The following RGS3 variants were observed in gnomAD, a reference collection of about 807,000 sequenced individuals.
RGS3 encodes regulator of G-protein signalling 3.
Under a neutral mutation model 132.6 loss-of-function variants are expected in RGS3, and 80 were observed. That is an observed-to-expected ratio of 0.60 (90% CI 0.50 to 0.73). The LOEUF (loss-of-function observed/expected upper bound fraction) is 0.73. Among genes scored for constraint, RGS3 ranks in the 30% least tolerant of loss-of-function variants. The pLI is 0.00. For missense variants in RGS3, 1,382 were observed against 1,530.8 expected, an observed-to-expected ratio of 0.90 and a Z score of 1.62; for synonymous variants, 598 against 620.6, an observed-to-expected ratio of 0.96 and a Z score of 0.54.
At chr9:113,576,714 T>A (rs897469211) in intron 19 of RGS3, among the ~76,000 whole-genome samples, 31 of 152,160 alleles carry the variant, frequency 2.0e-4, no homozygotes, top group African/African-American at 7.2e-4. Flanking sequence ...GAGCCCAGGG[T>A]CTTCCAGGGC....
intron 1 of RGS3, among the ~76,000 whole-genome samples, chr9:113,452,680 G>C (rs1415629164): frequency 6.6e-6 from 1 of 150,918 alleles, no homozygotes; most frequent in East Asian, 1.9e-4. Flanking sequence ...TGTCTATTAG[G>C]CTGCTTGAAG....
chr9:113,533,125 C>T lies in RGS3; in HGVS notation c.1915-3671C>T, dbSNP rs1588211524. ...AGACTCAGGGAGGTCCTTAGCTGCT[C>T]TGAACCTTGGCCATTCCCTTCCATA... On this transcript the variant is annotated intron_variant, in intron 18 of 24. Coordinates refer to ENST00000350696, the Ensembl canonical transcript of RGS3. Among the ~76,000 whole-genome samples, 4 of 152,308 alleles carry T rather than the reference C, an allele frequency of 2.6e-5. No individual in the cohort carries two copies. The East Asian group carries it at 7.7e-4, about 29-fold the overall frequency.
Position 113,594,627 on chromosome 9 carries a change from G to A in RGS3, c.3182+96G>A, listed in dbSNP as rs1835659738. 7 of 1,042,828 alleles carry A rather than the reference G, an allele frequency of 6.7e-6. No homozygotes were observed. The Admixed American group carries it at 6.8e-5, about 10-fold the overall frequency. 64.6% of individuals were successfully genotyped at this position (1,042,828 alleles called of 1,614,324 possible). A position where few individuals can be genotyped will look rare whatever the true frequency, so the allele number is the denominator to read the frequency against. Reference sequence around the variant, plus strand: ...TAGGGTTGAGGGGAAGGGGCTTGCCGGCTTGATCCAGCTCTGGGGGAGACA... The same window carrying A: ...TAGGGTTGAGGGGAAGGGGCTTGCCAGCTTGATCCAGCTCTGGGGGAGACA... On this transcript the variant is annotated intron_variant, in intron 22 of 24. Transcript: ENST00000350696.
At position 113,507,081 on chromosome 9, in the gene RGS3, C is replaced by T. The variant is rs957082730; in HGVS notation, c.1086-206C>T. On this transcript the variant is annotated intron_variant, in intron 12 of 24. Coordinates refer to ENST00000350696, the Ensembl canonical transcript of RGS3. This position sits in a 1 kb window ranked among gnomAD's most constrained non-coding sequence, Gnocchi z 5.0. The stretch of plus-strand genomic sequence containing the variant: ...CTCAGGGTCCTTCTCAACCACTGCC[C>T]GTCAATAGGAATTGACCTAGGTGAC... Among the ~76,000 whole-genome samples the T allele has an allele frequency of 3.3e-5, 5 of 152,190 alleles. No homozygotes were observed. Among genetic ancestry groups the T allele is most frequent in the East Asian group, 3.9e-4 (2 of 5,190 alleles).
intron 19 of RGS3, among the ~76,000 whole-genome samples, chr9:113,538,916 T>A (rs982382244): frequency 1.3e-5 from 2 of 152,214 alleles, no homozygotes; most frequent in Non-Finnish European, 2.9e-5. Flanking sequence ...GGCCATGATG[T>A]AGCTGTCTTT....
rs73655865 is a variant in RGS3 at position 113,523,286 on chromosome 9, C to T, written c.1870+245C>T. ...AGACTTTCCAGAGAGGCTGTGGAGTCGGGTAGGAAGAGCTTTGGATTCAGA... is the reference window on the plus strand; with the variant it reads ...AGACTTTCCAGAGAGGCTGTGGAGTTGGGTAGGAAGAGCTTTGGATTCAGA... On this transcript the variant is annotated intron_variant, in intron 17 of 24. Coordinates refer to ENST00000350696, the Ensembl canonical transcript of RGS3. 9.5e-3 allele frequency among the ~76,000 whole-genome samples: 1,448 copies of T among 152,242 alleles called. 20 individuals are homozygous for T. The highest frequency in any genetic ancestry group is 0.033 in the African/African-American group (1,359 of 41,528).
At chr9:113,450,292 C>T (rs554341246) in intron 1 of RGS3, among the ~76,000 whole-genome samples, 62 of 150,730 alleles carry the variant, frequency 4.1e-4, no homozygotes, top group African/African-American at 6.6e-4. Context: ...AGAATGGTCT[C>T]GATCTCCTGA....
intron 7 of RGS3, among the ~76,000 whole-genome samples, chr9:113,490,614 ATTATAT>A (rs1276747588): frequency 1.6e-5 from 2 of 121,438 alleles, no homozygotes; most frequent in Non-Finnish European, 3.5e-5. Flanking sequence ...GCATATATGT[ATTATAT>A]TTATACCTCC....
chr9:113,495,738 T>C, intron 7 of RGS3, 48 bp from the exon 6 acceptor site: 3 of 1,536,628 alleles, frequency 2.0e-6, no homozygotes, highest in Non-Finnish European at 2.7e-6. Flanking sequence ...GACCTCCCGA[T>C]AGAGCCCAGA....
intron 19 of RGS3, among the ~76,000 whole-genome samples, chr9:113,549,169 A>G (rs554236032): frequency 2.0e-4 from 30 of 152,320 alleles, no homozygotes; most frequent in South Asian, 6.2e-4. Context: ...AGGTTTAGAG[A>G]CAGACAGGCC....
chr9:113,534,610 AT>A (rs58115176), intron 18 of RGS3, among the ~76,000 whole-genome samples: 67,357 of 128,698 alleles, frequency 0.52, 16,902 homozygotes, highest in East Asian at 0.71. Flanking sequence ...GTACAGATGA[AT>A]TTTTTTTTTT....
chr9:113,456,417 G>A (rs941843564), upstream of RGS3, among the ~76,000 whole-genome samples: 2 of 152,158 alleles, frequency 1.3e-5, no homozygotes. Context: ...TGCCTCTCAT[G>A]TTCTTCATTT....
chr9:113,477,588 G>A (rs963461676), intron 3 of RGS3, among the ~76,000 whole-genome samples: 1 of 152,218 alleles, frequency 6.6e-6, no homozygotes, highest in Non-Finnish European at 1.5e-5. Context: ...CAGATGGGAT[G>A]ATGAGGGGAT....
chr9:113,454,887 G>A (rs796941635), intron 1 of RGS3, among the ~76,000 whole-genome samples: 2 of 152,150 alleles, frequency 1.3e-5, no homozygotes, highest in African/African-American at 4.8e-5. Flanking sequence ...GTAATTCTTT[G>A]GTGGTTCTTT....
Position 113,508,538 on chromosome 9 carries a change from C to A in RGS3, c.1438-3C>A. Reference sequence around the variant, plus strand: ...AGGTGGTTTTCCTGTCTTTCCCTTGCAGCTGCTCCGGCCTGTGTACCAGGA... The same window carrying A: ...AGGTGGTTTTCCTGTCTTTCCCTTGAAGCTGCTCCGGCCTGTGTACCAGGA... On this transcript the variant is annotated splice_polypyrimidine_tract_variant and splice_region_variant and intron_variant, in intron 13 of 24. Coordinates refer to ENST00000350696, the Ensembl canonical transcript of RGS3. 6.2e-7 allele frequency: 1 copy of A among 1,612,778 alleles called. No individual in the cohort carries two copies. Among genetic ancestry groups the A allele is most frequent in the Non-Finnish European group, 8.5e-7 (1 of 1,179,980 alleles).
At chr9:113,498,921 G>GAA (rs755573432) in intron 10 of RGS3, among the ~76,000 whole-genome samples, 19 of 47,334 alleles carry the variant, frequency 4.0e-4, no homozygotes, top group African/African-American at 7.2e-4. Flanking sequence ...TGTCTCAATT[G>GAA]AAAAAAAAAA....
At chr9:113,594,895 T>TC in intron 22 of RGS3, 24 bp from the exon 21 acceptor site, 2 of 1,612,182 alleles carry the variant, frequency 1.2e-6, no homozygotes, top group Non-Finnish European at 1.7e-6. Flanking sequence ...GTGCCCTCAC[T>TC]GTGTTTCCTC....
Position 113,537,239 on chromosome 9 carries a change from G to A in RGS3, c.2037+321G>A, listed in dbSNP as rs1276804483. On this transcript the variant is annotated intron_variant, in intron 19 of 24. Transcript: ENST00000350696. The surrounding 1 kb of genome is among the most constrained non-coding windows in gnomAD (Gnocchi z 4.3). ...GCCTCCCTGATGCTGCCTGGCATGC[G>A]TTCACCTCTGCCATTGGGTAGCCTG... Among the ~76,000 whole-genome samples the A allele has an allele frequency of 4.6e-5, 7 of 152,224 alleles. No individual in the cohort carries two copies. The highest frequency in any genetic ancestry group is 4.8e-5 in the African/African-American group (2 of 41,438).
At chr9:113,568,173 C>T (rs1264537654) in intron 19 of RGS3, among the ~76,000 whole-genome samples, 1 of 152,258 alleles carries the variant, frequency 6.6e-6, no homozygotes, top group Non-Finnish European at 1.5e-5. Context: ...GGGACAAGAA[C>T]TCAGGTTCCC....
Sources: gnomAD v4.1 joint callset for allele counts (sites outside exome capture counted in the v4.1 genomes callset) on GRCh38, gnomAD v4.1.1 for gene constraint, Gnocchi (gnomAD v3.1) non-coding constraint, MANE v1.5 for transcripts, NCBI Gene and HGNC (gene_info 2026-07-23, HGNC 2026-07-21) for gene names.